CDC42BPA: variants seen among roughly 807,000 people sequenced by gnomAD.
CDC42BPA encodes serine/threonine-protein kinase MRCK alpha.
Under a neutral mutation model 223.5 loss-of-function variants are expected in CDC42BPA, and 80 were observed. That is an observed-to-expected ratio of 0.36 (90% CI 0.30 to 0.43). CDC42BPA has a LOEUF of 0.43. Among genes scored for constraint, CDC42BPA ranks in the 20% least tolerant of loss-of-function variants. The pLI is 1.00. For synonymous variants in CDC42BPA, 694 were observed against 718.6 expected (o/e 0.97, Z 0.55); for missense variants, 1,743 against 2,099.9 (o/e 0.83, Z 3.32).
chr1:226,998,755 A>C (rs1037349926), intron 35 of CDC42BPA, among the ~76,000 whole-genome samples: 3 of 152,360 alleles, frequency 2.0e-5, no homozygotes, highest in Admixed American at 6.5e-5. Context: ...CATGACTACA[A>C]CACCAAAAGC....
chr1:227,190,267 C>T (rs1461494520), intron 5 of CDC42BPA, among the ~76,000 whole-genome samples: 1 of 152,142 alleles, frequency 6.6e-6, no homozygotes, highest in African/African-American at 2.4e-5. Flanking sequence ...GAACATAAAT[C>T]TGGAGACAAG....
chr1:227,132,582 C>T (rs1196082747), intron 10 of CDC42BPA, among the ~76,000 whole-genome samples: 3 of 147,896 alleles, frequency 2.0e-5, no homozygotes, highest in African/African-American at 7.6e-5. Flanking sequence ...GCGTCTCTGC[C>T]TGGCCGCCCA....
intron 24 of CDC42BPA, among the ~76,000 whole-genome samples, chr1:227,037,068 CAAGTAAT>C (rs1380543461): frequency 1.3e-5 from 2 of 152,178 alleles, no homozygotes; most frequent in Admixed American, 1.3e-4. Flanking sequence ...CTATGAATTG[CAAGTAAT>C]TGTGGTGCAT....
At chr1:227,143,058 A>G (rs12139502) in intron 8 of CDC42BPA, 34 bp from the exon 9 acceptor site, 1,020,057 of 1,379,862 alleles carry the variant, frequency 0.74, 378,282 homozygotes, top group South Asian at 0.86. Flanking sequence ...TAAGAAATAG[A>G]TAGCTATATG....
At chr1:227,202,024 C>T (rs1214459187) in intron 3 of CDC42BPA, among the ~76,000 whole-genome samples, 1 of 152,168 alleles carries the variant, frequency 6.6e-6, no homozygotes, top group Non-Finnish European at 1.5e-5. Flanking sequence ...CGCTCTGTCG[C>T]CCAGGCTGGA....
At chr1:227,275,826 G>C (rs1420861349) in intron 1 of CDC42BPA, among the ~76,000 whole-genome samples, 1 of 152,232 alleles carries the variant, frequency 6.6e-6, no homozygotes, top group Non-Finnish European at 1.5e-5. Context: ...CTGGTCTCCA[G>C]CTCCTAACCG....
intron 4 of CDC42BPA, among the ~76,000 whole-genome samples, chr1:227,194,581 T>C (rs1467208952): frequency 2.6e-5 from 4 of 152,196 alleles, no homozygotes; most frequent in Non-Finnish European, 1.5e-5. Flanking sequence ...TGGGTATGTA[T>C]GTGGTGTAAA....
At chr1:227,188,734 G>A (rs912756158) in intron 5 of CDC42BPA, among the ~76,000 whole-genome samples, 2 of 152,176 alleles carry the variant, frequency 1.3e-5, no homozygotes, top group Non-Finnish European at 2.9e-5. Flanking sequence ...AGCATTTTTA[G>A]GGCAGTGAAA....
At chr1:227,193,312 G>C (rs1264451093) in intron 5 of CDC42BPA, among the ~76,000 whole-genome samples, 1 of 151,884 alleles carries the variant, frequency 6.6e-6, no homozygotes, top group South Asian at 2.1e-4. Flanking sequence ...TGCCCGCCTT[G>C]ACCTCCCAAA....
chr1:227,073,159 T>TCAA (rs1307633873), intron 19 of CDC42BPA, among the ~76,000 whole-genome samples: 3 of 152,172 alleles, frequency 2.0e-5, no homozygotes, highest in African/African-American at 7.2e-5. Flanking sequence ...TTCTCAGCAG[T>TCAA]CAATGGATTT....
chr1:227,053,076 G>C (rs1310019167), intron 21 of CDC42BPA, among the ~76,000 whole-genome samples: 2 of 152,226 alleles, frequency 1.3e-5, no homozygotes, highest in South Asian at 2.1e-4. Context: ...TAGCTCAACA[G>C]AACTCTGGGC....
At chr1:227,132,969 G>A (rs1220040388) in intron 10 of CDC42BPA, among the ~76,000 whole-genome samples, 16 of 150,784 alleles carry the variant, frequency 1.1e-4, no homozygotes, top group African/African-American at 3.7e-4. Flanking sequence ...GAGCCCCGCC[G>A]TCCGGCAGCC....
At chr1:227,185,866 G>A (rs1159835739) in intron 5 of CDC42BPA, among the ~76,000 whole-genome samples, 8 of 152,036 alleles carry the variant, frequency 5.3e-5, no homozygotes, top group African/African-American at 1.9e-4. Context: ...AAAGATTATG[G>A]GGAGACTTCC....
chr1:227,040,962 T>C (rs745473595), intron 23 of CDC42BPA, among the ~76,000 whole-genome samples: 3 of 152,212 alleles, frequency 2.0e-5, no homozygotes, highest in Admixed American at 6.5e-5. Context: ...AAATGATGTA[T>C]AATAAATAAC....
At chr1:226,999,197 G>A (rs1662270864) in intron 35 of CDC42BPA, among the ~76,000 whole-genome samples, 2 of 144,482 alleles carry the variant, frequency 1.4e-5, no homozygotes, top group Admixed American at 6.9e-5. Context: ...TTTTTTTTGA[G>A]ACACAGCCTT....
At chr1:227,063,861 G>A (rs553475573) in intron 21 of CDC42BPA, among the ~76,000 whole-genome samples, 127 of 152,132 alleles carry the variant, frequency 8.3e-4, no homozygotes, top group Middle Eastern at 6.8e-3. Flanking sequence ...TCGGATTTCT[G>A]TAACTGATTG....
At chr1:227,136,794 C>A (rs1221364573) in intron 10 of CDC42BPA, among the ~76,000 whole-genome samples, 1 of 152,184 alleles carries the variant, frequency 6.6e-6, no homozygotes, top group Admixed American at 6.5e-5. Flanking sequence ...TAACCCAGCA[C>A]AAGTATTCTT....
intron 3 of CDC42BPA, among the ~76,000 whole-genome samples, chr1:227,202,153 T>G (rs1558749243): frequency 6.6e-6 from 1 of 152,144 alleles, no homozygotes; most frequent in South Asian, 2.1e-4. Context: ...CAGCTAATTT[T>G]TTGTATTTTT....
At chr1:227,185,400 C>T (rs191635989) in intron 5 of CDC42BPA, among the ~76,000 whole-genome samples, 1 of 152,280 alleles carries the variant, frequency 6.6e-6, no homozygotes, top group Admixed American at 6.5e-5. Flanking sequence ...CCCTTGCCCC[C>T]ACATGTGCCT....
Sources: allele counts gnomAD v4.1 joint callset (sites outside exome capture counted in the v4.1 genomes callset), GRCh38; gene constraint gnomAD v4.1.1; transcripts MANE v1.5; gene names NCBI Gene and HGNC (gene_info 2026-07-23, HGNC 2026-07-21).